The following MEAK7 variants were observed in gnomAD, a reference collection of about 807,000 sequenced individuals.
The protein encoded by MEAK7 is MTOR-associated protein MEAK7.
A neutral mutation model predicts 40.5 loss-of-function variants in MEAK7; 68 were observed. The observed-to-expected ratio is 1.68, with a 90% confidence interval of 1.38 to 2.06. The LOEUF is 2.06. Among genes scored for constraint, MEAK7 ranks in the 30% most tolerant of loss-of-function variants. The pLI is 0.00. For synonymous variants in MEAK7, 338 were observed against 231.9 expected (o/e 1.46, Z -4.16); for missense variants, 918 against 580.5 (o/e 1.58, Z -5.98).
chr16:84,498,359 C>G (rs1914228722), intron 1 of MEAK7, among the ~76,000 whole-genome samples: 1 of 152,076 alleles, frequency 6.6e-6, no homozygotes, highest in African/African-American at 2.4e-5. Context: ...GCCTCAACCT[C>G]CTGGGCTCGG....
In MEAK7 at chr16:84,486,751, AGAAGCTGTGT is replaced by A; in HGVS notation, c.828_837del (p.His277ProfsTer35). The A allele has an allele frequency of 6.2e-7, 1 of 1,614,022 alleles. No homozygotes were observed. The highest frequency in any genetic ancestry group is 1.1e-5 in the South Asian group (1 of 91,076). ...TGAGTGATGTGGCCACAGAGCTGGG[AGAAGCTGTGT>A]CCATGGAGCTCAGACGAAAAGAGCA... On this transcript the variant is annotated frameshift_variant, in exon 5 of 8. Transcript: ENST00000343629. LOFTEE classifies it high-confidence loss of function.
intron 1 of MEAK7, among the ~76,000 whole-genome samples, chr16:84,499,396 C>T (rs1406986494): frequency 6.6e-6 from 1 of 152,110 alleles, no homozygotes; most frequent in Non-Finnish European, 1.5e-5. Flanking sequence ...AAACTTTCCC[C>T]CAAGGTATTT....
At chr16:84,497,652 A>G (rs1161910891) in intron 2 of MEAK7, 2 of 1,421,076 alleles carry the variant, frequency 1.4e-6, no homozygotes, top group Admixed American at 4.2e-5. Flanking sequence ...TCCTTTCTGT[A>G]GTACAGATAA....
chr16:84,494,589 G>A (rs1913890172), intron 3 of MEAK7: 1 of 256,968 alleles, frequency 3.9e-6, no homozygotes, highest in African/African-American at 2.3e-5. Context: ...GCTGATATAT[G>A]GACTTCAGAG....
At chr16:84,489,473 C>G in intron 3 of MEAK7, 51 bp from the exon 4 acceptor site, 1 of 1,545,774 alleles carries the variant, frequency 6.5e-7, no homozygotes, top group Non-Finnish European at 8.8e-7. Context: ...TATCCTGAGA[C>G]CTATGTCATG....
At chr16:84,491,604 C>T (rs1375985506) in intron 3 of MEAK7, among the ~76,000 whole-genome samples, 2 of 147,932 alleles carry the variant, frequency 1.4e-5, no homozygotes, top group Non-Finnish European at 3.0e-5. Flanking sequence ...TTTGGGAGGC[C>T]GAGGCAGGTG....
intron 3 of MEAK7, among the ~76,000 whole-genome samples, chr16:84,489,958 A>G (rs901054471): frequency 6.6e-6 from 1 of 152,204 alleles, no homozygotes; most frequent in Non-Finnish European, 1.5e-5. Context: ...GGCAGTCTGC[A>G]GCCTGGGCCC....
chr16:84,489,250 C>A (rs779812308), intron 4 of MEAK7, 28 bp downstream of exon 4: 11 of 1,610,006 alleles, frequency 6.8e-6, no homozygotes, highest in Non-Finnish European at 2.5e-6. Context: ...AGCAAAAGAC[C>A]TGCATCACCG....
chr16:84,493,785 A>C (rs1913822557), intron 3 of MEAK7, among the ~76,000 whole-genome samples: 1 of 152,320 alleles, frequency 6.6e-6, no homozygotes, highest in East Asian at 1.9e-4. Flanking sequence ...CTTTGACTGG[A>C]ACAGCATTTT....
At chr16:84,491,576 C>T (rs1004510767) in intron 3 of MEAK7, among the ~76,000 whole-genome samples, 71 of 145,050 alleles carry the variant, frequency 4.9e-4, no homozygotes, top group African/African-American at 1.3e-3. Context: ...CGGTGACTCA[C>T]GCCTATAATC....
intron 3 of MEAK7, chr16:84,494,695 G>T: frequency 2.5e-6 from 1 of 392,528 alleles, no homozygotes; most frequent in Non-Finnish European, 5.0e-6. Flanking sequence ...CACGGGACAT[G>T]AGACTTCACA....
At chr16:84,484,198 A>G (rs1912833454) in intron 5 of MEAK7, among the ~76,000 whole-genome samples, 1 of 152,202 alleles carries the variant, frequency 6.6e-6, no homozygotes, top group African/African-American at 2.4e-5. Context: ...GCTGTTCTCC[A>G]TAGGGAAAGC....
intron 3 of MEAK7, among the ~76,000 whole-genome samples, chr16:84,493,107 G>A (rs766967561): frequency 6.6e-6 from 1 of 152,180 alleles, no homozygotes; most frequent in African/African-American, 2.4e-5. Context: ...TTATTAGTAT[G>A]TGTTCCAAAA....
chr16:84,501,197 A>T (rs1164936015), intron 1 of MEAK7, among the ~76,000 whole-genome samples: 1 of 151,878 alleles, frequency 6.6e-6, no homozygotes, highest in Non-Finnish European at 1.5e-5. Context: ...GAAGAGTGGA[A>T]AAGGTCCCAA....
In MEAK7 at chr16:84,498,014, C is replaced by G; in HGVS notation, c.73G>C (p.Asp25His). 1 of 1,614,180 alleles carries G rather than the reference C, an allele frequency of 6.2e-7. No homozygotes were observed. Among genetic ancestry groups the G allele is most frequent in the Non-Finnish European group, 8.5e-7 (1 of 1,180,024 alleles). Residue 25 changes from aspartate (D) to histidine (H), a missense_variant, in exon 2 of 8, where the codon GAT (aspartate) becomes CAT (histidine). Coordinates refer to ENST00000343629, the MANE Select transcript of MEAK7 (RefSeq NM_020947.4). ...GATGACAGAGCATCAAACAATTGAT[C>G]AATCTCTGCCTGTTCCTCAGGAAGA... ...QFLPEEQAEI[D>H]QLFDALSSDK...
At chr16:84,492,692 C>T (rs1913725970) in intron 3 of MEAK7, among the ~76,000 whole-genome samples, 1 of 152,082 alleles carries the variant, frequency 6.6e-6, no homozygotes. Context: ...AGCGATTCTC[C>T]TGCCTTGGCC....
intron 5 of MEAK7, among the ~76,000 whole-genome samples, chr16:84,484,562 C>G (rs1438404244): frequency 6.6e-6 from 1 of 152,180 alleles, no homozygotes. Flanking sequence ...CTTCTTTCCT[C>G]AAGCAAAAAC....
chr16:84,501,887 G>A (rs2150651720), intron 1 of MEAK7, among the ~76,000 whole-genome samples: 1 of 152,338 alleles, frequency 6.6e-6, no homozygotes, highest in African/African-American at 2.4e-5. Context: ...GCTCACGCCT[G>A]TAATCCCAGC....
chr16:84,492,664 C>G (rs1913723543), intron 3 of MEAK7, among the ~76,000 whole-genome samples: 1 of 152,082 alleles, frequency 6.6e-6, no homozygotes, highest in Non-Finnish European at 1.5e-5. Context: ...TCACTGCAAC[C>G]TCCACCTCTC....
Sources: gnomAD v4.1 joint callset for allele counts (sites outside exome capture counted in the v4.1 genomes callset) on GRCh38, gnomAD v4.1.1 for gene constraint, MANE v1.5 for transcripts, NCBI Gene and HGNC (gene_info 2026-07-23, HGNC 2026-07-21) for gene names.